Variants in ZNF732 observed in about 807,000 individuals in gnomAD.
ZNF732 encodes the protein zinc finger protein 732.
A neutral mutation model predicts 11.5 loss-of-function variants in ZNF732; 12 were observed. The ratio of observed to expected loss-of-function variants is 1.05; its 90% CI spans 0.67 to 1.70. The LOEUF is 1.70. ZNF732 is among the 40% of genes most tolerant of loss of function. ZNF732 has a pLI of 0.00. For synonymous variants in ZNF732, 231 were observed against 236.5 expected (o/e 0.98, Z 0.21); for missense variants, 702 against 676.9 (o/e 1.04, Z -0.41).
chr4:295,177 T>C (rs1719920485), intron 3 of ZNF732, among the ~76,000 whole-genome samples: 1 of 152,230 alleles, frequency 6.6e-6, no homozygotes. Context: ...AGTCAGATCA[T>C]GCAGCCCCTA....
At chr4:274,697 A>G (rs995809164) in intron 3 of ZNF732, among the ~76,000 whole-genome samples, 1 of 151,728 alleles carries the variant, frequency 6.6e-6, no homozygotes, top group Non-Finnish European at 1.5e-5. Flanking sequence ...TCATGCAAAT[A>G]ACCAAATAAG....
At chr4:304,996 G>C (rs145812916) in intron 1 of ZNF732, among the ~76,000 whole-genome samples, 1 of 152,158 alleles carries the variant, frequency 6.6e-6, no homozygotes, top group Non-Finnish European at 1.5e-5. Flanking sequence ...TCGACGACCG[G>C]ACCACAGCTC....
rs1560165248 is a variant in ZNF732 at position 299,450 on chromosome 4, T to TATGTGTATATATATATAC, written c.4-3296_4-3295insGTATATATATATACACAT. 4.1e-5 allele frequency among the ~76,000 whole-genome samples: 3 copies of TATGTGTATATATATATAC among 72,694 alleles called. 1 individual carries two copies. Among genetic ancestry groups the TATGTGTATATATATATAC allele is most frequent in the East Asian group, 8.3e-4 (2 of 2,408 alleles). 47.7% of individuals were successfully genotyped at this position (72,694 alleles called of 152,430 possible). The stretch of plus-strand genomic sequence containing the variant: ...ACACATATGTGTATATATATATATA[T>TATGTGTATATATATATAC]ACACATATGTGTATATATATATACA... On this transcript the variant is annotated intron_variant, in intron 1 of 3. Coordinates refer to ENST00000419098, the MANE Select transcript of ZNF732 (RefSeq NM_001137608.3).
intron 3 of ZNF732, among the ~76,000 whole-genome samples, chr4:294,251 C>A (rs1481821425): frequency 6.6e-6 from 1 of 152,232 alleles, no homozygotes; most frequent in African/African-American, 2.4e-5. Context: ...CCACCCACCT[C>A]AGCCTCCCAA....
chr4:284,552 A>G (rs1371322164), intron 3 of ZNF732, among the ~76,000 whole-genome samples: 1 of 152,122 alleles, frequency 6.6e-6, no homozygotes, highest in South Asian at 2.1e-4. Context: ...ATAATAAAAA[A>G]CAGAACAGAA....
chr4:295,575 T>G, intron 2 of ZNF732, 42 bp from the exon 3 acceptor site: 1 of 1,462,446 alleles, frequency 6.8e-7, no homozygotes. Flanking sequence ...TTAGGGATTC[T>G]CCAATTACCT....
chr4:275,391 T>C (rs572030709), intron 3 of ZNF732, among the ~76,000 whole-genome samples: 1 of 151,502 alleles, frequency 6.6e-6, no homozygotes, highest in Admixed American at 6.6e-5. Flanking sequence ...ATTGTAGTAA[T>C]AGAAACAACA....
chr4:296,781 T>G (rs1354722510), intron 1 of ZNF732, among the ~76,000 whole-genome samples: 1 of 152,158 alleles, frequency 6.6e-6, no homozygotes, highest in Non-Finnish European at 1.5e-5. Context: ...CTAGACACAT[T>G]ATATTACCAC....
chr4:275,634 T>C (rs1375375028), intron 3 of ZNF732, among the ~76,000 whole-genome samples: 3 of 151,954 alleles, frequency 2.0e-5, no homozygotes, highest in South Asian at 2.1e-4. Context: ...CTCATAATTA[T>C]TGCAGCACTG....
At chr4:282,019 C>G (rs1477182685) in intron 3 of ZNF732, among the ~76,000 whole-genome samples, 2 of 152,052 alleles carry the variant, frequency 1.3e-5, no homozygotes, top group East Asian at 3.9e-4. Flanking sequence ...AGAACCAAGG[C>G]GATATGCTGG....
intron 1 of ZNF732, among the ~76,000 whole-genome samples, chr4:299,544 C>T (rs1560165449): frequency 1.6e-5 from 2 of 124,808 alleles, no homozygotes; most frequent in Non-Finnish European, 3.3e-5. Flanking sequence ...CATATATACA[C>T]ATATATATGT....
chr4:275,114 C>G (rs1245247947), intron 3 of ZNF732, among the ~76,000 whole-genome samples: 1 of 151,554 alleles, frequency 6.6e-6, no homozygotes, highest in Admixed American at 6.6e-5. Context: ...CTTCTCAATA[C>G]CTCATACAAT....
Position 280,005 on chromosome 4 carries a change from T to C in ZNF732, c.227-7375A>G, listed in dbSNP as rs183410800. ...AATTGCTCCAAGTGAAACCCAATGATTTTTATTTGAATTAAACACCACATG... is the reference window on the plus strand; with the variant it reads ...AATTGCTCCAAGTGAAACCCAATGACTTTTATTTGAATTAAACACCACATG... On this transcript the variant is annotated intron_variant, in intron 3 of 3. Coordinates refer to ENST00000419098, the MANE Select transcript of ZNF732 (RefSeq NM_001137608.3). Among the ~76,000 whole-genome samples the C allele has an allele frequency of 5.4e-4, 82 of 152,258 alleles. 1 individual carries two copies. The highest frequency in any genetic ancestry group is 1.8e-3 in the African/African-American group (76 of 41,556).
At chr4:289,592 C>T (rs553919559) in intron 3 of ZNF732, among the ~76,000 whole-genome samples, 3 of 152,322 alleles carry the variant, frequency 2.0e-5, no homozygotes, top group African/African-American at 7.2e-5. Context: ...GCATAGTTTT[C>T]TAAATGCTGC....
intron 3 of ZNF732, among the ~76,000 whole-genome samples, chr4:293,667 C>T (rs1553841735): frequency 6.6e-6 from 1 of 152,010 alleles, no homozygotes; most frequent in East Asian, 1.9e-4. Context: ...TGTATGCTTA[C>T]AATTTGCTAC....
chr4:273,876 A>C (rs1483334793), intron 3 of ZNF732, among the ~76,000 whole-genome samples: 1 of 151,766 alleles, frequency 6.6e-6, no homozygotes, highest in Non-Finnish European at 1.5e-5. Flanking sequence ...AGGAAAAAAA[A>C]AAAAAACTTC....
At chr4:289,578 G>A (rs782188505) in intron 3 of ZNF732, among the ~76,000 whole-genome samples, 9 of 152,144 alleles carry the variant, frequency 5.9e-5, no homozygotes, top group Non-Finnish European at 7.4e-5. Flanking sequence ...CAAGCTTATT[G>A]TTAGCATAGT....
intron 1 of ZNF732, among the ~76,000 whole-genome samples, chr4:304,697 C>A (rs1027958821): frequency 5.8e-4 from 89 of 152,328 alleles, no homozygotes; most frequent in Middle Eastern, 3.4e-3. Flanking sequence ...CAGAACTCAG[C>A]GAAGCGCTGT....
chr4:271,163 T>C lies in ZNF732; in HGVS notation c.1694A>G (p.Lys565Arg), dbSNP rs782165319. The change falls in exon 4 of 4, where the codon AAA becomes AGA. Residue 565 changes from lysine (K) to arginine (R), a missense_variant. Physicochemically the swap from Lys to Arg is conservative, Grantham distance 26. Around this residue, in one of 3 missense-constraint regions of ZNF732, gnomAD observed 94 missense variants for 87.5 expected, o/e 1.07. Coordinates refer to ENST00000419098, the MANE Select transcript of ZNF732 (RefSeq NM_001137608.3). ...AAGGTATGAGGACCACTTAAAGGCT[T>C]TGCCACATCCTTTACATTTGGGGGT... Reference protein sequence around the residue: ...DKTPKCKGCGKAFKWSSYLNQ... With the variant: ...DKTPKCKGCGRAFKWSSYLNQ... 1 of 1,551,926 alleles carries C rather than the reference T, an allele frequency of 6.4e-7. No individual in the cohort carries two copies. Among genetic ancestry groups the C allele is most frequent in the African/African-American group, 1.4e-5 (1 of 72,942 alleles).
Sources: allele counts gnomAD v4.1 joint callset (sites outside exome capture counted in the v4.1 genomes callset), GRCh38; gene constraint gnomAD v4.1.1; regional missense constraint gnomAD v4.1.1; transcripts MANE v1.5; gene names NCBI Gene and HGNC (gene_info 2026-07-23, HGNC 2026-07-21).